Variants in KCNT1 observed in about 807,000 individuals in gnomAD.
KCNT1 encodes potassium sodium-activated channel subfamily T member 1.
KCNT1 carries 78 observed loss-of-function variants against 147.8 expected under a neutral mutation model. The ratio of observed to expected loss-of-function variants is 0.53; its 90% CI spans 0.44 to 0.64. KCNT1 has a LOEUF of 0.64. Ranked by LOEUF, KCNT1 falls within the 30% of genes least tolerant of loss-of-function variation. The probability of loss-of-function intolerance (pLI) is 0.00; values close to 1 mark genes in which losing one functional copy is unlikely to be tolerated. For synonymous variants in KCNT1, 867 were observed against 748.8 expected (o/e 1.16, Z -2.58); for missense variants, 1,419 against 1,750.3 (o/e 0.81, Z 3.38).
chr9:135,758,535 C>A (rs1217353204), intron 10 of KCNT1, 27 bp downstream of exon 10: 2 of 1,589,868 alleles, frequency 1.3e-6, no homozygotes, highest in Non-Finnish European at 1.7e-6. Flanking sequence ...AGTGTGAGCA[C>A]CCCAGGACGT....
intron 19 of KCNT1, 94 bp from the exon 20 acceptor site, chr9:135,775,216 G>C: frequency 1.2e-6 from 1 of 834,540 alleles, no homozygotes. Context: ...TGGGTGGAGT[G>C]GGTGCCCTCG....
intron 21 of KCNT1, among the ~76,000 whole-genome samples, chr9:135,777,863 C>T (rs1564381115): frequency 6.6e-6 from 1 of 151,468 alleles, no homozygotes; most frequent in African/African-American, 2.4e-5. Flanking sequence ...ATTCCCAGCT[C>T]CTCCCCACTC....
At chr9:135,771,193 G>C (rs1224615262) in intron 18 of KCNT1, 98 bp downstream of exon 18, 9 of 1,142,662 alleles carry the variant, frequency 7.9e-6, no homozygotes, top group Non-Finnish European at 1.1e-5. Context: ...GGGAGACCAG[G>C]CAGGACAGGG....
rs748532863 is a variant in KCNT1, at chr9:135,757,399, G to T, written c.759+18G>T. ...ACATGATTGTAAGCCGGGGCGGGGG[G>T]TGCAGCTGGGACTTGGGGGGGCCAC... On this transcript the variant is annotated intron_variant, in intron 9 of 30. Coordinates refer to ENST00000371757, the MANE Select transcript of KCNT1 (RefSeq NM_020822.3). 5 of 1,602,158 alleles carry T rather than the reference G, an allele frequency of 3.1e-6. No homozygotes were observed. Among genetic ancestry groups the T allele is most frequent in the African/African-American group, 2.7e-5 (2 of 74,768 alleles).
chr9:135,705,238 G>C (rs1835205469), intron 1 of KCNT1, among the ~76,000 whole-genome samples: 1 of 152,184 alleles, frequency 6.6e-6, no homozygotes, highest in South Asian at 2.1e-4. Flanking sequence ...TGCTTCCCCG[G>C]GATGCAAACT....
At chr9:135,764,459 CAAAA>C (rs750258854) in intron 11 of KCNT1, among the ~76,000 whole-genome samples, 4 of 151,896 alleles carry the variant, frequency 2.6e-5, no homozygotes, top group Admixed American at 2.6e-4. Context: ...GCCTCCGTCT[CAAAA>C]AAAAGAAAAG....
In KCNT1 at chr9:135,746,600, G is replaced by A. The variant is rs551580581; in HGVS notation, c.255-3498G>A. ...GGGGACGCATTGGCTTCGTGGTCTT[G>A]CCAGGCAGCTGCAGAGGCCCAAGGC... On this transcript the variant is annotated intron_variant, in intron 2 of 30. Coordinates refer to ENST00000371757, the MANE Select transcript of KCNT1 (RefSeq NM_020822.3). Among the ~76,000 whole-genome samples the A allele has an allele frequency of 3.6e-3, 550 of 152,342 alleles. 1 individual carries two copies. The highest frequency in any genetic ancestry group is 6.3e-3 in the Non-Finnish European group (426 of 68,024).
At position 135,714,159 on chromosome 9, in the gene KCNT1, G is replaced by T. The variant is rs1046004889; in HGVS notation, c.111-418G>T. ...CGGCCTCGGCAAAGACCCTGGGGAC[G>T]GGGAGGGGAGCTGGGGAGTTGGGAG... is the stretch of plus-strand genomic sequence containing the variant. On this transcript the variant is annotated intron_variant, in intron 1 of 30. Coordinates refer to ENST00000371757, the MANE Select transcript of KCNT1 (RefSeq NM_020822.3). This position sits in a 1 kb window ranked among gnomAD's most constrained non-coding sequence, Gnocchi z 6.2. Among the ~76,000 whole-genome samples, 1 of 152,096 alleles carries T rather than the reference G, an allele frequency of 6.6e-6. No homozygotes were observed.
rs1007419018 is a variant in KCNT1 at position 135,778,412 on chromosome 9, C to T, written c.2523-12C>T. 1 of 1,550,414 alleles carries T rather than the reference C, an allele frequency of 6.4e-7. No individual in the cohort carries two copies. The highest frequency in any genetic ancestry group is 8.7e-7 in the Non-Finnish European group (1 of 1,146,920). On this transcript the variant is annotated splice_polypyrimidine_tract_variant and intron_variant, in intron 21 of 30. Coordinates refer to ENST00000371757, the MANE Select transcript of KCNT1 (RefSeq NM_020822.3). ...AGCAGGGTGGGCCCCTCCAGGACCG[C>T]TGTCCCCACAGGCCCGACCACCACT...
chr9:135,760,054 A>G (rs1254493013), intron 11 of KCNT1, among the ~76,000 whole-genome samples, 195 bp downstream of exon 11: 1 of 151,884 alleles, frequency 6.6e-6, no homozygotes, highest in Non-Finnish European at 1.5e-5. Flanking sequence ...GGTGCTCAGC[A>G]TGGTGGGTAA....
rs761504279 is a variant in KCNT1 at position 135,791,798 on chromosome 9, C to T, written c.3504C>T (p.Asp1168=). The change falls in exon 30 of 31, where the codon GAC becomes GAT. Residue 1168 remains aspartate (D), a splice_region_variant and synonymous_variant. Transcript: ENST00000371757. Reference sequence around the variant, plus strand: ...TCTGCCCGGCTGTGTCCTTTGCAGACGAGATGAACGACCACCAGAACACCC... The same window carrying T: ...TCTGCCCGGCTGTGTCCTTTGCAGATGAGATGAACGACCACCAGAACACCC... ...KHLGLPTTGY[D]EMNDHQNTLS... is the part of the protein sequence containing the mutation. 51 of 1,613,502 alleles carry T rather than the reference C, an allele frequency of 3.2e-5. No individual in the cohort carries two copies. Among genetic ancestry groups the T allele is most frequent in the South Asian group, 5.5e-5 (5 of 91,066 alleles).
chr9:135,784,392 C>G (rs926523340), intron 25 of KCNT1, 143 bp from the exon 26 acceptor site: 21 of 678,996 alleles, frequency 3.1e-5, no homozygotes, highest in Middle Eastern at 3.8e-4. Flanking sequence ...CCTGGTGGTT[C>G]TGTGTGTGTG....
chr9:135,786,642 C>CT, intron 29 of KCNT1, 121 bp downstream of exon 29: 1 of 981,084 alleles, frequency 1.0e-6, no homozygotes, highest in South Asian at 1.8e-5. Flanking sequence ...TGTCATCTGT[C>CT]TGTCTGTCAG....
At chr9:135,733,597 C>CAT (rs1270318243) in intron 2 of KCNT1, among the ~76,000 whole-genome samples, 3 of 98,542 alleles carry the variant, frequency 3.0e-5, no homozygotes, top group Non-Finnish European at 6.2e-5. Flanking sequence ...CCTGCCTTTG[C>CAT]ACCTGCCCCC....
Position 135,777,577 on chromosome 9 carries a change from C to G in KCNT1, c.2522+67C>G. 3 of 1,471,996 alleles carry G rather than the reference C, an allele frequency of 2.0e-6. No individual in the cohort carries two copies. The South Asian group carries it at 3.8e-5, about 19-fold the overall frequency. 91.2% of individuals were successfully genotyped at this position (1,471,996 alleles called of 1,614,324 possible). On this transcript the variant is annotated intron_variant, in intron 21 of 30. Coordinates refer to ENST00000371757, the MANE Select transcript of KCNT1 (RefSeq NM_020822.3). The stretch of plus-strand genomic sequence containing the variant: ...CTCAGACCTGCAGCCAGCAGCCTCC[C>G]CAACTGGGCCCACCCTTCGCCTTTG...
chr9:135,744,406 G>A (rs761947419), intron 2 of KCNT1, among the ~76,000 whole-genome samples: 1 of 152,222 alleles, frequency 6.6e-6, no homozygotes, highest in African/African-American at 2.4e-5. Context: ...TGAGCCCCTG[G>A]GCACAGGCAG....
chr9:135,750,619 G>A (rs1177458032), intron 3 of KCNT1: 3 of 499,756 alleles, frequency 6.0e-6, no homozygotes, highest in Non-Finnish European at 1.1e-5. Context: ...GGACTTGGGG[G>A]GTTTCCCCAG....
intron 3 of KCNT1, chr9:135,750,649 C>T: frequency 1.9e-6 from 1 of 537,212 alleles, no homozygotes; most frequent in Non-Finnish European, 3.3e-6. Flanking sequence ...ATTCACCTGC[C>T]TGCTCCCCAA....
intron 20 of KCNT1, among the ~76,000 whole-genome samples, chr9:135,777,106 C>T (rs1006538473): frequency 6.6e-6 from 1 of 152,228 alleles, no homozygotes; most frequent in Admixed American, 6.5e-5. Flanking sequence ...ACATGGACAC[C>T]GCCCTTTCCA....
Sources: allele counts gnomAD v4.1 joint callset (sites outside exome capture counted in the v4.1 genomes callset), GRCh38; gene constraint gnomAD v4.1.1; non-coding constraint Gnocchi (gnomAD v3.1); transcripts MANE v1.5; gene names NCBI Gene and HGNC (gene_info 2026-07-23, HGNC 2026-07-21).